The following PLCE1 variants were observed in gnomAD, a reference collection of about 807,000 sequenced individuals.
PLCE1 encodes 1-phosphatidylinositol 4,5-bisphosphate phosphodiesterase epsilon-1.
PLCE1 carries 119 observed loss-of-function variants against 242.8 expected under a neutral mutation model. The ratio of observed to expected loss-of-function variants is 0.49; its 90% confidence interval spans 0.42 to 0.57. PLCE1 has a LOEUF of 0.57. Ranked by LOEUF, PLCE1 falls within the 20% of genes least tolerant of loss-of-function variation. The pLI is 0.00. For synonymous variants in PLCE1, 945 were observed against 1,017.4 expected, an observed-to-expected ratio of 0.93 and a Z score of 1.35; for missense variants, 2,441 against 2,788.8, an observed-to-expected ratio of 0.88 and a Z score of 2.81.
At chr10:94,022,210 G>C (rs1248551169) in intron 1 of PLCE1, among the ~76,000 whole-genome samples, 1 of 151,858 alleles carries the variant, frequency 6.6e-6, no homozygotes, top group East Asian at 1.9e-4. Context: ...AATTTATGTT[G>C]TCTATAAATA....
At chr10:94,069,028 G>T (rs779420454) in intron 2 of PLCE1, among the ~76,000 whole-genome samples, 20 of 152,216 alleles carry the variant, frequency 1.3e-4, no homozygotes, top group Non-Finnish European at 2.4e-4. Context: ...AATGAATGAG[G>T]AGTGAAAGAA....
At chr10:94,247,870 GA>G (rs536841659) in intron 8 of PLCE1, among the ~76,000 whole-genome samples, 5 of 152,308 alleles carry the variant, frequency 3.3e-5, no homozygotes, top group African/African-American at 1.2e-4. Flanking sequence ...GGGAAAAGAG[GA>G]TACAGATTGC....
intron 2 of PLCE1, among the ~76,000 whole-genome samples, chr10:94,035,058 A>G (rs1249425292): frequency 1.3e-5 from 2 of 152,144 alleles, no homozygotes; most frequent in African/African-American, 2.4e-5. Flanking sequence ...GTCACAGACA[A>G]GGAGCCCCTC....
At chr10:94,318,864 A>G (rs1171823915) in intron 29 of PLCE1, among the ~76,000 whole-genome samples, 1 of 152,224 alleles carries the variant, frequency 6.6e-6, no homozygotes, top group African/African-American at 2.4e-5. Flanking sequence ...CCTGGCCAAC[A>G]TGGCAAAACT....
intron 2 of PLCE1, chr10:94,108,773 C>T (rs1185526321): frequency 6.6e-6 from 1 of 152,286 alleles, no homozygotes; most frequent in East Asian, 1.9e-4. Context: ...CTTCCAGTCC[C>T]ATGGCTTGCC....
intron 2 of PLCE1, among the ~76,000 whole-genome samples, chr10:94,106,869 A>G (rs540126262): frequency 7.2e-6 from 1 of 137,996 alleles, no homozygotes; most frequent in African/African-American, 2.7e-5. Flanking sequence ...CCATAATATC[A>G]AATCCTCCTT....
At chr10:94,032,842 T>TATTAAA (rs2061587064) in intron 2 of PLCE1, among the ~76,000 whole-genome samples, 5 of 152,140 alleles carry the variant, frequency 3.3e-5, no homozygotes, top group African/African-American at 1.2e-4. Context: ...ATTTAGGTGC[T>TATTAAA]TCTTTATTAA....
intron 13 of PLCE1, among the ~76,000 whole-genome samples, chr10:94,259,819 G>A (rs2051234263): frequency 6.6e-6 from 1 of 152,096 alleles, no homozygotes; most frequent in South Asian, 2.1e-4. Flanking sequence ...GAGGTTTAAG[G>A]GGCTCACAGT....
intron 2 of PLCE1, chr10:94,089,342 A>G: frequency 6.2e-7 from 1 of 1,611,490 alleles, no homozygotes; most frequent in Non-Finnish European, 8.5e-7. Context: ...TTGTTAAAGG[A>G]TGGATGTGGA....
At chr10:94,157,509 C>T (rs531924847) in intron 3 of PLCE1, among the ~76,000 whole-genome samples, 36 of 152,120 alleles carry the variant, frequency 2.4e-4, no homozygotes, top group Non-Finnish European at 4.9e-4. Flanking sequence ...GGGGAGCTGC[C>T]CCCAGGAGCT....
chr10:94,063,972 A>G (rs2044131012), intron 2 of PLCE1, among the ~76,000 whole-genome samples: 1 of 152,124 alleles, frequency 6.6e-6, no homozygotes, highest in Non-Finnish European at 1.5e-5. Flanking sequence ...AGGGGCTGAA[A>G]AAAGACCAGA....
At chr10:94,147,069 C>T (rs538558170) in intron 3 of PLCE1, among the ~76,000 whole-genome samples, 1 of 152,262 alleles carries the variant, frequency 6.6e-6, no homozygotes, top group Non-Finnish European at 1.5e-5. Context: ...CTGTGTCTCT[C>T]TCCCCCAACA....
chr10:94,259,795 T>C (rs2051233455), intron 13 of PLCE1, among the ~76,000 whole-genome samples: 1 of 152,124 alleles, frequency 6.6e-6, no homozygotes. Context: ...GACTGGGTAA[T>C]TTATAAGGAA....
Position 94,316,724 on chromosome 10 carries a change from A to G in PLCE1, c.6310A>G (p.Met2104Val), listed in dbSNP as rs760229823. ...LSSWFPEEGY[M>V]GRIVLKTQQE... ...CAGCTGGTTTCCAGAAGAGGGATAC[A>G]TGGGCAGGATTGTCTTAAAAACCCA... Residue 2104 changes from methionine (M) to valine (V), a missense_variant, in exon 29 of 33, where the codon ATG (methionine) becomes GTG (valine). This residue lies in a region of PLCE1 where 310 missense variants were observed against 317.2 expected (regional missense o/e 0.98). Transcript: ENST00000371380. The G allele has an allele frequency of 2.5e-6, 4 of 1,613,898 alleles. No individual in the cohort carries two copies. In the African/African-American group the frequency reaches 4.0e-5, roughly 16 times the overall value.
At chr10:94,164,769 A>G (rs944716338) in intron 3 of PLCE1, among the ~76,000 whole-genome samples, 4 of 151,982 alleles carry the variant, frequency 2.6e-5, no homozygotes, top group African/African-American at 9.7e-5. Flanking sequence ...TTGTGTTTTT[A>G]TCTACCTTTG....
chr10:94,301,755 T>G (rs1451790005), intron 24 of PLCE1, among the ~76,000 whole-genome samples: 1 of 152,196 alleles, frequency 6.6e-6, no homozygotes, highest in African/African-American at 2.4e-5. Context: ...AAACCCCTGG[T>G]TATTGCTGGC....
chr10:94,316,685 A>T lies in PLCE1; in HGVS notation c.6271A>T (p.Met2091Leu). Reference protein sequence around the residue: ...QRAIGPEEEIMQILSSWFPEE... With the variant: ...QRAIGPEEEILQILSSWFPEE... Reference sequence around the variant, plus strand: ...AGCCATTGGTCCAGAAGAGGAGATCATGCAAATTTTAAGCAGCTGGTTTCC... The same window carrying T: ...AGCCATTGGTCCAGAAGAGGAGATCTTGCAAATTTTAAGCAGCTGGTTTCC... The change falls in exon 29 of 33, where the codon ATG becomes TTG. Residue 2091 changes from methionine (M) to leucine (L), a missense_variant. Coordinates refer to ENST00000371380, the MANE Select transcript of PLCE1 (RefSeq NM_016341.4). The T allele has an allele frequency of 1.9e-6, 3 of 1,613,928 alleles. No homozygotes were observed. Among genetic ancestry groups the T allele is most frequent in the Non-Finnish European group, 8.5e-7 (1 of 1,179,764 alleles).
Position 94,031,088 on chromosome 10 carries a change from G to C in PLCE1, c.42G>C (p.Val14=). 6.2e-7 allele frequency: 1 copy of C among 1,613,644 alleles called. No homozygotes were observed. ...TGACAGCTTCTGTTCTCATACCTGT[G>C]ACTCAGAGAAAAGTGGTTTCTGCCC... ...EEMTASVLIP[V]TQRKVVSAQS... Residue 14 remains valine (V), a synonymous_variant, in exon 2 of 33, where the codon GTG becomes GTC. Transcript: ENST00000371380.
intron 2 of PLCE1, among the ~76,000 whole-genome samples, chr10:94,101,610 C>A (rs911555012): frequency 6.6e-6 from 1 of 152,166 alleles, no homozygotes; most frequent in South Asian, 2.1e-4. Flanking sequence ...AGGTGACCTC[C>A]TGTCCATGGG....
Sources: allele counts gnomAD v4.1 joint callset (sites outside exome capture counted in the v4.1 genomes callset), GRCh38; gene constraint gnomAD v4.1.1; regional missense constraint gnomAD v4.1.1; transcripts MANE v1.5; gene names NCBI Gene and HGNC (gene_info 2026-07-23, HGNC 2026-07-21).